Variants in IFT25 observed in about 807,000 individuals in gnomAD.
The protein encoded by IFT25 is intraflagellar transport 25, also known as intraflagellar transport protein 25 homolog.
At chr1:53,921,982 A>AT in the IFT25 span, among the ~76,000 whole-genome samples, 4 of 152,186 alleles carry the variant, frequency 2.6e-5, no homozygotes, top group Non-Finnish European at 5.9e-5. Context: ...TGCAACTCTC[A>AT]TTTTTTGTAG....
At chr1:53,918,094 G>GC in the IFT25 span, among the ~76,000 whole-genome samples, 2 of 152,156 alleles carry the variant, frequency 1.3e-5, no homozygotes, top group Admixed American at 1.3e-4. Flanking sequence ...AATCTCATTG[G>GC]CTTAAAACAA....
chr1:53,933,007 T>C, the IFT25 span, among the ~76,000 whole-genome samples: 2 of 152,254 alleles, frequency 1.3e-5, no homozygotes, highest in Non-Finnish European at 2.9e-5. Context: ...AAAAGGGTAT[T>C]AAAATCTCTA....
chr1:53,914,774 G>T, the IFT25 span, among the ~76,000 whole-genome samples: 2 of 152,142 alleles, frequency 1.3e-5, no homozygotes, highest in African/African-American at 2.4e-5. Context: ...TCACCTAGAA[G>T]GTGAAGCCCA....
At chr1:53,928,572 G>C in the IFT25 span, 2 of 618,638 alleles carry the variant, frequency 3.2e-6, no homozygotes, top group South Asian at 4.2e-5. Context: ...GAAACAACAT[G>C]GAAGTTACTC....
chr1:53,932,653 G>T, the IFT25 span, among the ~76,000 whole-genome samples: 2 of 152,146 alleles, frequency 1.3e-5, no homozygotes, highest in Admixed American at 1.3e-4. Flanking sequence ...CAGCATTGAC[G>T]TCCTGGGCTC....
chr1:53,916,789 C>A, the IFT25 span: 1 of 392,926 alleles, frequency 2.5e-6, no homozygotes, highest in South Asian at 1.3e-4. Context: ...CTTCACATCT[C>A]TTATCTGGTA....
At chr1:53,933,583 T>C in the IFT25 span, among the ~76,000 whole-genome samples, 1 of 152,222 alleles carries the variant, frequency 6.6e-6, no homozygotes, top group Non-Finnish European at 1.5e-5. Flanking sequence ...TCTTCTTTCA[T>C]CCTTTTATTT....
the IFT25 span, among the ~76,000 whole-genome samples, chr1:53,925,398 C>A: frequency 6.6e-6 from 1 of 152,070 alleles, no homozygotes; most frequent in East Asian, 1.9e-4. Flanking sequence ...TGGTGGCTCA[C>A]ACCTGTAATC....
chr1:53,926,571 T>C, the IFT25 span, among the ~76,000 whole-genome samples: 4 of 152,200 alleles, frequency 2.6e-5, no homozygotes, highest in African/African-American at 9.6e-5. Flanking sequence ...ATTTCCCCAA[T>C]TGTCCCTGTC....
At chr1:53,932,263 G>A in the IFT25 span, among the ~76,000 whole-genome samples, 1 of 151,854 alleles carries the variant, frequency 6.6e-6, no homozygotes, top group African/African-American at 2.4e-5. Context: ...AGGCCCAGGA[G>A]GCAGAAGTTG....
At chr1:53,915,832 G>A in the IFT25 span, among the ~76,000 whole-genome samples, 1 of 152,164 alleles carries the variant, frequency 6.6e-6, no homozygotes, top group South Asian at 2.1e-4. Flanking sequence ...CCATGGGCAG[G>A]TGGAGAAAAG....
At chr1:53,923,428 A>G in the IFT25 span, 73 of 154,988 alleles carry the variant, frequency 4.7e-4, no homozygotes, top group East Asian at 0.011. Context: ...GCAAAGCCCA[A>G]TGGAATGTTG....
the IFT25 span, among the ~76,000 whole-genome samples, chr1:53,916,101 C>T: frequency 6.6e-6 from 1 of 151,410 alleles, no homozygotes; most frequent in African/African-American, 2.4e-5. Flanking sequence ...GGGAGGGTCA[C>T]CTGAGCCTGG....
At chr1:53,936,984 T>C in the IFT25 span, among the ~76,000 whole-genome samples, 2 of 152,144 alleles carry the variant, frequency 1.3e-5, no homozygotes, top group African/African-American at 4.8e-5. Flanking sequence ...CTCTTATTTC[T>C]GAAGGAATGG....
At chr1:53,916,409 G>A in the IFT25 span, among the ~76,000 whole-genome samples, 1 of 152,120 alleles carries the variant, frequency 6.6e-6, no homozygotes, top group Admixed American at 6.6e-5. Flanking sequence ...TGCATCCACA[G>A]AAGACAGAGA....
chr1:53,919,904 C>T, the IFT25 span, among the ~76,000 whole-genome samples: 1 of 152,186 alleles, frequency 6.6e-6, no homozygotes, highest in Non-Finnish European at 1.5e-5. Context: ...AACCTACCAC[C>T]TCAGCCTCCC....
chr1:53,928,185 T>C, the IFT25 span, among the ~76,000 whole-genome samples: 1 of 152,222 alleles, frequency 6.6e-6, no homozygotes, highest in African/African-American at 2.4e-5. Context: ...CACATGTTAA[T>C]ACTTATATAA....
chr1:53,932,044 G>A, the IFT25 span, among the ~76,000 whole-genome samples: 4 of 152,016 alleles, frequency 2.6e-5, no homozygotes, highest in Non-Finnish European at 5.9e-5. Flanking sequence ...CATTTTCAAC[G>A]TCATTCTGTT....
chr1:53,930,992 A>C, the IFT25 span, among the ~76,000 whole-genome samples: 1 of 152,204 alleles, frequency 6.6e-6, no homozygotes, highest in Non-Finnish European at 1.5e-5. Context: ...CCTTAAGGGC[A>C]TAACTTAGTG....
Sources: allele counts gnomAD v4.1 joint callset (sites outside exome capture counted in the v4.1 genomes callset), GRCh38; gene constraint gnomAD v4.1.1; transcripts MANE v1.5; gene names NCBI Gene and HGNC (gene_info 2026-07-23, HGNC 2026-07-21).